The following GULP1 variants were observed in gnomAD, a reference collection of about 807,000 sequenced individuals.
GULP1 encodes the protein GULP PTB domain containing engulfment adaptor 1, also known as PTB domain-containing engulfment adapter protein 1.
In GULP1, 19 loss-of-function variants were observed where a neutral mutation model predicts 40.9. That is an observed-to-expected ratio of 0.46 (90% CI 0.32 to 0.68). GULP1 has a LOEUF of 0.68. GULP1 is among the 30% of genes least tolerant of loss of function. GULP1 has a pLI of 0.03. For synonymous variants in GULP1, 119 were observed against 117.6 expected, an observed-to-expected ratio of 1.01 and a Z score of -0.08; for missense variants, 312 against 362.2, an observed-to-expected ratio of 0.86 and a Z score of 1.12.
At chr2:188,488,314 T>C (rs1333048484) in intron 4 of GULP1, among the ~76,000 whole-genome samples, 1 of 152,062 alleles carries the variant, frequency 6.6e-6, no homozygotes, top group African/African-American at 2.4e-5. Context: ...TTCTCCTCTC[T>C]CAACTGTTAT....
chr2:188,477,610 TCAGTCAA>T, intron 2 of GULP1, 42 bp from the exon 3 acceptor site: 1 of 887,340 alleles, frequency 1.1e-6, no homozygotes, highest in Non-Finnish European at 1.8e-6. Context: ...AAAAGAGAGG[TCAGTCAA>T]CAGTCCTTTG....
intron 2 of GULP1, chr2:188,384,141 T>A (rs1008393763): frequency 6.6e-6 from 1 of 152,202 alleles, no homozygotes; most frequent in Admixed American, 6.6e-5. Context: ...AAAGTTACAA[T>A]GATAGTATTA....
intron 4 of GULP1, among the ~76,000 whole-genome samples, chr2:188,518,934 C>T (rs2065454530): frequency 2.0e-5 from 3 of 152,214 alleles, no homozygotes; most frequent in East Asian, 3.9e-4. Flanking sequence ...GATTCTAAAT[C>T]TCGAGCTTGT....
chr2:188,586,317 C>T (rs2153465765), intron 10 of GULP1, among the ~76,000 whole-genome samples: 1 of 152,310 alleles, frequency 6.6e-6, no homozygotes, highest in Admixed American at 6.5e-5. Flanking sequence ...TTTTTACTTC[C>T]TTTTACAACG....
chr2:188,491,982 T>G (rs556166766), intron 4 of GULP1, among the ~76,000 whole-genome samples: 1 of 152,192 alleles, frequency 6.6e-6, no homozygotes, highest in East Asian at 1.9e-4. Flanking sequence ...TTGCTAGAAC[T>G]AAGTGGTTTA....
chr2:188,336,231 C>G (rs956091804), intron 1 of GULP1, among the ~76,000 whole-genome samples: 4 of 152,124 alleles, frequency 2.6e-5, no homozygotes, highest in Non-Finnish European at 5.9e-5. Context: ...GCTGAAACTT[C>G]TGATATTTTT....
intron 1 of GULP1, among the ~76,000 whole-genome samples, chr2:188,343,648 T>G (rs1258922763): frequency 6.6e-6 from 1 of 152,232 alleles, no homozygotes; most frequent in Admixed American, 6.5e-5. Context: ...ATTCTGCTGA[T>G]TGCAGTTCTA....
At chr2:188,505,893 T>A (rs185231803) in intron 4 of GULP1, among the ~76,000 whole-genome samples, 4 of 151,998 alleles carry the variant, frequency 2.6e-5, no homozygotes, top group Admixed American at 2.6e-4. Context: ...TGAACAAACA[T>A]GCCTCAGACT....
Position 188,579,255 on chromosome 2 carries a change from A to G in GULP1, c.610-5010A>G, listed in dbSNP as rs577082396. Among the ~76,000 whole-genome samples, 8 of 152,306 alleles carry G rather than the reference A, an allele frequency of 5.3e-5. No individual in the cohort carries two copies. The South Asian group carries it at 1.7e-3, about 32-fold the overall frequency. ...AATTTGAAAGCACAGGCTACCTTCA[A>G]AGACACAGCAGATATTCAATACCAC... is the stretch of plus-strand genomic sequence containing the variant. On this transcript the variant is annotated intron_variant, in intron 9 of 11. Coordinates refer to ENST00000409830, the MANE Select transcript of GULP1 (RefSeq NM_016315.4).
intron 2 of GULP1, among the ~76,000 whole-genome samples, chr2:188,397,433 G>A (rs1010083730): frequency 2.2e-4 from 34 of 152,202 alleles, no homozygotes; most frequent in African/African-American, 7.9e-4. Flanking sequence ...ACCCTGAGAC[G>A]ATAAGATTCT....
At chr2:188,411,153 C>T (rs2053826167) in intron 2 of GULP1, among the ~76,000 whole-genome samples, 1 of 152,114 alleles carries the variant, frequency 6.6e-6, no homozygotes, top group Non-Finnish European at 1.5e-5. Context: ...TTACAGCACC[C>T]TTCTTGGTGT....
chr2:188,525,077 ACT>A (rs1396292898), intron 5 of GULP1, among the ~76,000 whole-genome samples: 2 of 151,768 alleles, frequency 1.3e-5, no homozygotes, highest in African/African-American at 4.8e-5. Flanking sequence ...ACTTTTTTAC[ACT>A]CTTTCTATCA....
intron 2 of GULP1, among the ~76,000 whole-genome samples, chr2:188,450,037 A>AT: frequency 6.6e-6 from 1 of 152,322 alleles, no homozygotes; most frequent in Non-Finnish European, 1.5e-5. Context: ...TATGGTTTAC[A>AT]TATCAATACA....
chr2:188,317,944 A>G (rs190795876), intron 1 of GULP1, among the ~76,000 whole-genome samples: 1 of 152,090 alleles, frequency 6.6e-6, no homozygotes, highest in Admixed American at 6.6e-5. Flanking sequence ...TTCATTGTTC[A>G]TTTTTGATAC....
At chr2:188,413,080 C>T (rs1044642556) in intron 2 of GULP1, among the ~76,000 whole-genome samples, 2 of 152,068 alleles carry the variant, frequency 1.3e-5, no homozygotes, top group East Asian at 1.9e-4. Context: ...CAGGCTCTTC[C>T]GATTGAAAAT....
In GULP1 at chr2:188,589,466, T is replaced by C. The variant is rs1450020795; in HGVS notation, c.843+1517T>C. 4 of 254,598 alleles carry C rather than the reference T, an allele frequency of 1.6e-5. No individual in the cohort carries two copies. The East Asian group carries it at 2.1e-4, about 13-fold the overall frequency. The allele number at this position is 254,598 out of a possible 1,614,324, so 15.8% of individuals were successfully genotyped here. A position where few individuals can be genotyped will look rare whatever the true frequency, so the allele number is the denominator to read the frequency against. The stretch of plus-strand genomic sequence containing the variant: ...GCTTTTGTAGTAACAAAGAAATATT[T>C]ATGTGGTAGTATTTATTCTCAAGGG... On this transcript the variant is annotated intron_variant, in intron 11 of 11. Coordinates refer to ENST00000409830, the MANE Select transcript of GULP1 (RefSeq NM_016315.4).
At chr2:188,484,921 G>A (rs1024496208) in intron 4 of GULP1, among the ~76,000 whole-genome samples, 2 of 152,108 alleles carry the variant, frequency 1.3e-5, no homozygotes, top group East Asian at 3.9e-4. Flanking sequence ...CATAAAGGCT[G>A]ATTGCCCTAA....
At chr2:188,417,421 G>A (rs1478329975) in intron 2 of GULP1, among the ~76,000 whole-genome samples, 2 of 152,170 alleles carry the variant, frequency 1.3e-5, no homozygotes, top group Non-Finnish European at 2.9e-5. Context: ...AGCTTCGTCA[G>A]CAAGAAGGAA....
chr2:188,332,608 C>T (rs778425380), intron 1 of GULP1, among the ~76,000 whole-genome samples: 19 of 152,084 alleles, frequency 1.2e-4, no homozygotes, highest in Non-Finnish European at 2.6e-4. Flanking sequence ...GCATAAATAA[C>T]AGATGTGCTG....
Sources: allele counts gnomAD v4.1 joint callset (sites outside exome capture counted in the v4.1 genomes callset), GRCh38; gene constraint gnomAD v4.1.1; transcripts MANE v1.5; gene names NCBI Gene and HGNC (gene_info 2026-07-23, HGNC 2026-07-21).